Variants in ZFHX3 observed in about 807,000 individuals in gnomAD.
The protein encoded by ZFHX3 is zinc finger homeobox protein 3.
Under a neutral mutation model 279.1 loss-of-function variants are expected in ZFHX3, and 42 were observed. The observed-to-expected ratio is 0.15, with a 90% CI of 0.12 to 0.19. The LOEUF is 0.19. Among genes scored for constraint, ZFHX3 ranks in the 10% least tolerant of loss-of-function variants. The pLI, the probability that ZFHX3 is intolerant of heterozygous loss-of-function variation, is 1.00. For synonymous variants in ZFHX3, 2,293 were observed against 1,957.8 expected, an observed-to-expected ratio of 1.17 and a Z score of -4.52; for missense variants, 4,981 against 4,754.0, an observed-to-expected ratio of 1.05 and a Z score of -1.40.
intron 2 of ZFHX3, among the ~76,000 whole-genome samples, chr16:73,515,735 A>C (rs1246768024): frequency 1.3e-5 from 2 of 152,208 alleles, no homozygotes; most frequent in East Asian, 3.9e-4. Context: ...GGGATCATTT[A>C]AAATCTGTCA....
At chr16:72,921,679 G>A (rs2039588362) in intron 3 of ZFHX3, among the ~76,000 whole-genome samples, 1 of 152,194 alleles carries the variant, frequency 6.6e-6, no homozygotes, top group African/African-American at 2.4e-5. Flanking sequence ...TGTACAGAAG[G>A]GGATCGAGGA....
chr16:73,803,115 T>C (rs557785632), intron 1 of ZFHX3, among the ~76,000 whole-genome samples: 4 of 152,322 alleles, frequency 2.6e-5, no homozygotes, highest in African/African-American at 9.6e-5. Flanking sequence ...TTATTATTTC[T>C]AATATGCGAA....
At chr16:72,930,476 C>T (rs1331032862) in intron 3 of ZFHX3, among the ~76,000 whole-genome samples, 2 of 151,872 alleles carry the variant, frequency 1.3e-5, no homozygotes, top group Admixed American at 6.6e-5. Flanking sequence ...CTCTTGCAGA[C>T]AGATTTTATA....
intron 1 of ZFHX3, among the ~76,000 whole-genome samples, chr16:73,827,863 A>C (rs2142354675): frequency 9.3e-6 from 1 of 108,046 alleles, no homozygotes; most frequent in African/African-American, 3.8e-5. Flanking sequence ...TGTGGTGCTG[A>C]AAAAAATGTA....
chr16:73,527,694 G>A (rs1597370386), intron 2 of ZFHX3, among the ~76,000 whole-genome samples: 1 of 152,332 alleles, frequency 6.6e-6, no homozygotes, highest in South Asian at 2.1e-4. Flanking sequence ...TCTGGAGGAA[G>A]CAAGCTACCA....
chr16:73,637,600 G>C (rs1357637168), intron 2 of ZFHX3, among the ~76,000 whole-genome samples: 1 of 151,894 alleles, frequency 6.6e-6, no homozygotes, highest in African/African-American at 2.4e-5. Context: ...TTATAGTGTT[G>C]GGTACATGAG....
chr16:73,069,310 C>G (rs1429453200), intron 8 of ZFHX3, among the ~76,000 whole-genome samples: 1 of 152,180 alleles, frequency 6.6e-6, no homozygotes, highest in Non-Finnish European at 1.5e-5. Context: ...TGGCCTCTCA[C>G]CCTCTCCCCC....
At chr16:73,075,315 A>C (rs992342446) in intron 8 of ZFHX3, among the ~76,000 whole-genome samples, 3 of 146,896 alleles carry the variant, frequency 2.0e-5, no homozygotes, top group Non-Finnish European at 4.5e-5. Context: ...ATGATCCCCA[A>C]CTTGAAAGAG....
intron 2 of ZFHX3, among the ~76,000 whole-genome samples, chr16:73,525,047 GA>G (rs959383669): frequency 1.3e-5 from 2 of 151,938 alleles, no homozygotes; most frequent in East Asian, 3.9e-4. Context: ...AAGACACAAG[GA>G]AAAAAAATTT....
At chr16:72,882,366 T>C (rs1049560103) in intron 4 of ZFHX3, among the ~76,000 whole-genome samples, 7 of 152,088 alleles carry the variant, frequency 4.6e-5, no homozygotes, top group African/African-American at 1.4e-4. Flanking sequence ...TGGTGCCACG[T>C]GTCATATGCT....
intron 4 of ZFHX3, among the ~76,000 whole-genome samples, chr16:72,878,178 CA>C (rs1271086730): frequency 2.6e-5 from 4 of 151,634 alleles, no homozygotes; most frequent in Non-Finnish European, 4.4e-5. Flanking sequence ...CCTGTCTCTA[CA>C]AAAAAAGAAA....
intron 2 of ZFHX3, among the ~76,000 whole-genome samples, chr16:73,473,352 AAAAAACAAAAAAAAAAAAAAC>A (rs1322615279): frequency 2.0e-5 from 1 of 49,078 alleles, no homozygotes; most frequent in East Asian, 5.3e-3. Flanking sequence ...AAAAAAAAAA[AAAAAACAAAAAAAAAAAAAAC>A]AAAATAATAA....
At chr16:72,874,293 G>A (rs1421231823) in intron 4 of ZFHX3, among the ~76,000 whole-genome samples, 1 of 138,920 alleles carries the variant, frequency 7.2e-6, no homozygotes, top group African/African-American at 2.8e-5. Flanking sequence ...TGCAAACTCC[G>A]CCTCCCGGGT....
At chr16:73,162,372 AC>A (rs1174401802) in intron 5 of ZFHX3, among the ~76,000 whole-genome samples, 20 of 151,918 alleles carry the variant, frequency 1.3e-4, no homozygotes, top group Non-Finnish European at 5.9e-5. Flanking sequence ...GTCTCCCATC[AC>A]CCCCACATGG....
chr16:73,379,673 C>T (rs1597309149), intron 3 of ZFHX3, among the ~76,000 whole-genome samples: 1 of 152,244 alleles, frequency 6.6e-6, no homozygotes, highest in South Asian at 2.1e-4. Flanking sequence ...TCTGTCTTGG[C>T]ATGAAGCAAG....
intron 5 of ZFHX3, among the ~76,000 whole-genome samples, chr16:72,812,272 A>C (rs974169287): frequency 2.0e-5 from 3 of 152,300 alleles, no homozygotes; most frequent in Non-Finnish European, 2.9e-5. Context: ...TTAGGAAAAG[A>C]AGGCAAAGAA....
chr16:72,985,804 G>A (rs1382681269), intron 1 of ZFHX3, among the ~76,000 whole-genome samples: 3 of 152,118 alleles, frequency 2.0e-5, no homozygotes, highest in Non-Finnish European at 4.4e-5. Flanking sequence ...AACCAGGGAA[G>A]GCACAGGCTC....
intron 5 of ZFHX3, among the ~76,000 whole-genome samples, chr16:73,185,760 G>A (rs894787506): frequency 3.3e-5 from 5 of 152,232 alleles, no homozygotes; most frequent in Non-Finnish European, 7.4e-5. Flanking sequence ...GACAGGACAC[G>A]ACTTGTACAC....
At position 73,865,365 on chromosome 16, in the gene ZFHX3, G is replaced by T. The variant is rs542992722; in HGVS notation, c.-1608+26286C>A. 5.9e-5 allele frequency among the ~76,000 whole-genome samples: 9 copies of T among 152,300 alleles called. No individual in the cohort carries two copies. The South Asian group carries it at 1.9e-3, about 32-fold the overall frequency. ...AGGCCCCCAAGACAGTAACATCAGA[G>T]AAACTGGAAGACATGTATGGGAAGG... On this transcript the variant is annotated intron_variant, in intron 1 of 17. Coordinates refer to the ZFHX3 transcript ENST00000641206.
Sources: allele counts gnomAD v4.1 joint callset (sites outside exome capture counted in the v4.1 genomes callset), GRCh38; gene constraint gnomAD v4.1.1; transcripts MANE v1.5; gene names NCBI Gene and HGNC (gene_info 2026-07-23, HGNC 2026-07-21).